LRP6: variants seen among roughly 807,000 people sequenced by gnomAD.
LRP6 encodes the protein low-density lipoprotein receptor-related protein 6.
A neutral mutation model predicts 184.1 loss-of-function variants in LRP6; 43 were observed. That is an observed-to-expected ratio of 0.23 (90% CI 0.18 to 0.30). LRP6 has a LOEUF of 0.30. LRP6 is among the 10% of genes least tolerant of loss of function. The pLI, the probability that LRP6 is intolerant of heterozygous loss-of-function variation, is 1.00. For synonymous variants in LRP6, 719 were observed against 684.9 expected, an observed-to-expected ratio of 1.05 and a Z score of -0.78; for missense variants, 1,571 against 2,005.3, an observed-to-expected ratio of 0.78 and a Z score of 4.14.
chr12:12,184,160 C>T (rs997768529), intron 4 of LRP6, 49 bp from the exon 5 acceptor site: 1 of 1,536,770 alleles, frequency 6.5e-7, no homozygotes, highest in South Asian at 1.1e-5. Flanking sequence ...ACTAAGTACA[C>T]AAAGGTTAAC....
intron 2 of LRP6, among the ~76,000 whole-genome samples, chr12:12,205,483 T>G (rs1427020677): frequency 6.6e-6 from 1 of 152,150 alleles, no homozygotes; most frequent in Non-Finnish European, 1.5e-5. Context: ...ATCTACTTAA[T>G]GCATACTGAT....
intron 14 of LRP6, among the ~76,000 whole-genome samples, chr12:12,148,653 G>A (rs1427354134): frequency 6.6e-6 from 1 of 152,202 alleles, no homozygotes; most frequent in African/African-American, 2.4e-5. Context: ...TGGCTGGGAT[G>A]AGGTAGATCG....
intron 18 of LRP6, 59 bp from the exon 19 acceptor site, chr12:12,130,952 G>T: frequency 3.1e-6 from 3 of 952,522 alleles, no homozygotes; most frequent in Non-Finnish European, 5.1e-6. Flanking sequence ...TCAAACTCTG[G>T]CAAGAATCAA....
At chr12:12,209,291 T>A (rs1435875666) in intron 2 of LRP6, among the ~76,000 whole-genome samples, 2 of 152,338 alleles carry the variant, frequency 1.3e-5, no homozygotes, top group East Asian at 3.9e-4. Context: ...TAGTTTATGG[T>A]GAAATAAAAT....
chr12:12,121,548 A>C, intron 22 of LRP6, 128 bp from the exon 23 acceptor site: 1 of 871,284 alleles, frequency 1.1e-6, no homozygotes, highest in Non-Finnish European at 1.8e-6. Context: ...TTAAATTTAC[A>C]CAGACCAAGA....
chr12:12,231,667 T>A (rs1248821667), intron 2 of LRP6, among the ~76,000 whole-genome samples: 2 of 151,370 alleles, frequency 1.3e-5, no homozygotes, highest in South Asian at 2.1e-4. Context: ...AGTTTTTAGA[T>A]CAGCCCAGGA....
intron 7 of LRP6, among the ~76,000 whole-genome samples, chr12:12,173,268 T>C (rs939896178): frequency 1.7e-4 from 26 of 152,144 alleles, no homozygotes; most frequent in African/African-American, 5.8e-4. Flanking sequence ...AAAAACCTAA[T>C]AGGGAAAAGA....
At chr12:12,257,413 T>TA (rs912914501) in intron 1 of LRP6, among the ~76,000 whole-genome samples, 5 of 151,044 alleles carry the variant, frequency 3.3e-5, no homozygotes, top group Admixed American at 2.6e-4. Flanking sequence ...CCGTCTCTAC[T>TA]AAAAAAATAC....
intron 7 of LRP6, among the ~76,000 whole-genome samples, chr12:12,171,120 C>T (rs1340687463): frequency 6.6e-6 from 1 of 152,168 alleles, no homozygotes; most frequent in Non-Finnish European, 1.5e-5. Context: ...GCTTTCTATA[C>T]TCTGACATTT....
intron 14 of LRP6, among the ~76,000 whole-genome samples, chr12:12,148,506 A>G (rs1320961409): frequency 6.6e-6 from 1 of 152,214 alleles, no homozygotes; most frequent in Admixed American, 6.5e-5. Context: ...TTCTCATCAT[A>G]AAGAAAACTG....
At chr12:12,165,038 T>C (rs2136952059) in intron 8 of LRP6, 41 bp downstream of exon 8, 3 of 1,513,154 alleles carry the variant, frequency 2.0e-6, no homozygotes, top group Non-Finnish European at 2.8e-6. Flanking sequence ...TCTTTTTTCA[T>C]TCCTGGTTCC....
intron 1 of LRP6, among the ~76,000 whole-genome samples, chr12:12,256,693 C>T (rs1865473511): frequency 1.3e-5 from 2 of 152,200 alleles, no homozygotes; most frequent in South Asian, 2.1e-4. Flanking sequence ...GTAGTCCCAG[C>T]TACTCAGGAG....
intron 1 of LRP6, chr12:12,249,056 G>A (rs929668138): frequency 2.3e-5 from 16 of 686,098 alleles, no homozygotes; most frequent in African/African-American, 5.3e-5. Context: ...AGAACTCAAA[G>A]AAGGCCAGAA....
At chr12:12,123,025 A>T (rs1262609269) in intron 22 of LRP6, among the ~76,000 whole-genome samples, 1 of 151,546 alleles carries the variant, frequency 6.6e-6, no homozygotes, top group Non-Finnish European at 1.5e-5. Context: ...AAAAGTCCAA[A>T]TACTTCTATT....
rs374162046 is a variant in LRP6 at position 12,222,907 on chromosome 12, T to A, written c.450-19507A>T. On this transcript the variant is annotated intron_variant, in intron 2 of 22. Transcript: ENST00000261349. Reference sequence around the variant, plus strand: ...ATAACACTAACGAATATTTCTAGGATAAGTATATAAAGCATTTAGCAAATC... The same window carrying A: ...ATAACACTAACGAATATTTCTAGGAAAAGTATATAAAGCATTTAGCAAATC... 2.6e-5 allele frequency among the ~76,000 whole-genome samples: 4 copies of A among 152,156 alleles called. No individual in the cohort carries two copies. The East Asian group carries it at 5.8e-4, about 22-fold the overall frequency.
chr12:12,249,079 T>C (rs1488763887), intron 1 of LRP6: 1 of 702,164 alleles, frequency 1.4e-6, no homozygotes. Flanking sequence ...GAGTAGGAGA[T>C]GGCAGTTAGC....
At chr12:12,180,421 C>T (rs572417373) in intron 6 of LRP6, among the ~76,000 whole-genome samples, 61 of 152,102 alleles carry the variant, frequency 4.0e-4, no homozygotes, top group African/African-American at 1.4e-3. Flanking sequence ...ATTCTTACGG[C>T]TCCTGGATGT....
At chr12:12,223,496 T>C (rs754775194) in intron 2 of LRP6, among the ~76,000 whole-genome samples, 14 of 152,186 alleles carry the variant, frequency 9.2e-5, no homozygotes, top group Admixed American at 2.0e-4. Context: ...CTTGTTTATA[T>C]CAATACAATC....
intron 21 of LRP6, 80 bp downstream of exon 21, chr12:12,125,216 C>G: frequency 6.5e-7 from 1 of 1,538,240 alleles, no homozygotes; most frequent in Non-Finnish European, 9.0e-7. Flanking sequence ...ACATTACTAT[C>G]ACTGATCACC....
Sources: allele counts gnomAD v4.1 joint callset (sites outside exome capture counted in the v4.1 genomes callset), GRCh38; gene constraint gnomAD v4.1.1; transcripts MANE v1.5; gene names NCBI Gene and HGNC (gene_info 2026-07-23, HGNC 2026-07-21).